Variants in FER observed in about 807,000 individuals in gnomAD.
FER encodes FER tyrosine kinase, also known as tyrosine-protein kinase Fer.
In FER, 63 loss-of-function variants were observed where a neutral mutation model predicts 111.0. That is an observed-to-expected ratio of 0.57 (90% CI 0.46 to 0.70). FER has a LOEUF of 0.70. Ranked by LOEUF, FER falls within the 30% of genes least tolerant of loss-of-function variation. The pLI, the probability that FER is intolerant of heterozygous loss-of-function variation, is 0.00. For missense variants in FER, 914 were observed against 954.0 expected (o/e 0.96, Z 0.55); for synonymous variants, 327 against 313.9 (o/e 1.04, Z -0.44).
chr5:109,092,159 A>C (rs920299004), intron 16 of FER, among the ~76,000 whole-genome samples: 1 of 151,932 alleles, frequency 6.6e-6, no homozygotes, highest in Non-Finnish European at 1.5e-5. Flanking sequence ...TGAAAGTATA[A>C]AACTGCTAGA....
intron 2 of FER, among the ~76,000 whole-genome samples, chr5:108,771,889 T>C (rs191329104): frequency 3.7e-4 from 57 of 152,314 alleles, no homozygotes; most frequent in African/African-American, 1.3e-3. Flanking sequence ...ACATTAAGAA[T>C]GTATTTGTCT....
intron 17 of FER, among the ~76,000 whole-genome samples, chr5:109,143,904 C>G (rs1465608633): frequency 6.6e-6 from 1 of 150,876 alleles, no homozygotes; most frequent in Non-Finnish European, 1.5e-5. Flanking sequence ...GGGGTCAGCA[C>G]CTTTCTAGTG....
chr5:108,944,088 C>T (rs1238588943), intron 10 of FER, among the ~76,000 whole-genome samples: 1 of 150,396 alleles, frequency 6.6e-6, no homozygotes, highest in Non-Finnish European at 1.5e-5. Context: ...GAACCAGTCT[C>T]TTAGTTTTAT....
rs143259473 is a variant in FER at position 108,922,197 on chromosome 5, G to A, written c.1237-23933G>A. Among the ~76,000 whole-genome samples the A allele has an allele frequency of 4.3e-4, 65 of 152,296 alleles. 1 individual carries two copies. Among genetic ancestry groups the A allele is most frequent in the African/African-American group, 1.4e-3 (60 of 41,562 alleles). On this transcript the variant is annotated intron_variant, in intron 10 of 19. Transcript: ENST00000281092. ...GGAGCATGGCCTTGGCTAACACCTT[G>A]ATTTCAGACTTCTGGCCTCCAGAAC...
At chr5:109,133,029 A>G (rs748851454) in intron 17 of FER, among the ~76,000 whole-genome samples, 1 of 152,196 alleles carries the variant, frequency 6.6e-6, no homozygotes, top group Non-Finnish European at 1.5e-5. Flanking sequence ...CCTAACATGT[A>G]TAAGTCATTG....
At chr5:108,874,603 A>G (rs6889995) in intron 8 of FER, among the ~76,000 whole-genome samples, 34,185 of 151,746 alleles carry the variant, frequency 0.23, 4,049 homozygotes, top group African/African-American at 0.28. Context: ...TAAGACTTAG[A>G]AAAATCTTTC....
chr5:109,023,601 C>T (rs915520959), intron 13 of FER, among the ~76,000 whole-genome samples: 3 of 151,874 alleles, frequency 2.0e-5, no homozygotes, highest in Non-Finnish European at 4.4e-5. Context: ...CTAAATGGTT[C>T]CCTTATGTCC....
intron 16 of FER, among the ~76,000 whole-genome samples, chr5:109,056,724 G>A (rs968553972): frequency 6.6e-6 from 1 of 152,048 alleles, no homozygotes; most frequent in African/African-American, 2.4e-5. Flanking sequence ...AGCTGTTCTT[G>A]TCACACAAAA....
chr5:108,955,074 A>G, intron 12 of FER, 142 bp downstream of exon 12: 1 of 559,820 alleles, frequency 1.8e-6, no homozygotes, highest in Non-Finnish European at 3.0e-6. Context: ...TCTTAAATAC[A>G]GTGCTTCAAA....
intron 17 of FER, among the ~76,000 whole-genome samples, chr5:109,122,029 AC>A (rs1352348190): frequency 6.6e-6 from 1 of 151,894 alleles, no homozygotes; most frequent in African/African-American, 2.4e-5. Context: ...TTTAAAAAAA[AC>A]AACTTTTGTT....
intron 17 of FER, among the ~76,000 whole-genome samples, chr5:109,130,604 G>A (rs893291145): frequency 6.6e-6 from 1 of 152,018 alleles, no homozygotes; most frequent in Non-Finnish European, 1.5e-5. Context: ...CATGCAATTA[G>A]TGTGAAATTT....
intron 9 of FER, 146 bp from the exon 10 acceptor site, chr5:108,897,513 C>T: frequency 1.7e-6 from 1 of 575,142 alleles, no homozygotes; most frequent in Non-Finnish European, 2.8e-6. Context: ...ACTGTGATAA[C>T]TTAAAATCTG....
intron 14 of FER, among the ~76,000 whole-genome samples, chr5:109,037,680 T>G (rs188664666): frequency 2.2e-3 from 331 of 152,168 alleles, no homozygotes; most frequent in African/African-American, 7.5e-3. Flanking sequence ...TAAGGATGAT[T>G]CTTAACATTT....
Position 108,871,525 on chromosome 5 carries a change from T to C in FER, c.803+23T>C, listed in dbSNP as rs1380063452. 3.2e-6 allele frequency: 5 copies of C among 1,554,768 alleles called. No homozygotes were observed. In the South Asian group the frequency reaches 6.2e-5, roughly 19 times the overall value. ...CAGGTATGACATGTTTATTCCTCTT[T>C]AAGGATTTATGACAGTATTATTTTT... On this transcript the variant is annotated intron_variant, in intron 7 of 19. Transcript: ENST00000281092.
intron 13 of FER, among the ~76,000 whole-genome samples, chr5:108,991,416 C>G (rs1370178450): frequency 6.6e-6 from 1 of 151,906 alleles, no homozygotes; most frequent in Non-Finnish European, 1.5e-5. Context: ...ATTTTTAACA[C>G]TCAAATTACT....
intron 17 of FER, among the ~76,000 whole-genome samples, chr5:109,137,635 A>G (rs1753039961): frequency 6.6e-6 from 1 of 152,190 alleles, no homozygotes; most frequent in African/African-American, 2.4e-5. Context: ...CCAGAAAGAG[A>G]AAGAACTCAT....
intron 2 of FER, among the ~76,000 whole-genome samples, chr5:108,787,035 G>C (rs1489131630): frequency 6.6e-6 from 1 of 152,142 alleles, no homozygotes; most frequent in Non-Finnish European, 1.5e-5. Context: ...GAGCCAGCAG[G>C]GGCTGGGAAC....
chr5:108,855,553 G>A (rs1762921069), intron 5 of FER, among the ~76,000 whole-genome samples: 2 of 146,742 alleles, frequency 1.4e-5, no homozygotes, highest in Non-Finnish European at 3.0e-5. Context: ...CCCGGGAGGC[G>A]GAACTTGCAG....
In FER at chr5:109,049,381, A is replaced by G. The variant is rs575280778; in HGVS notation, c.1924+2183A>G. On this transcript the variant is annotated intron_variant, in intron 16 of 19. Coordinates refer to ENST00000281092, the MANE Select transcript of FER (RefSeq NM_005246.4). The stretch of plus-strand genomic sequence containing the variant: ...TGGCAGAATCATGTCCCTTGCAGCT[A>G]TATGTCTAAAGTTCCTGTTTCTTTG... Among the ~76,000 whole-genome samples the G allele has an allele frequency of 3.9e-5, 6 of 152,274 alleles. No homozygotes were observed. The East Asian group carries it at 1.2e-3, about 29-fold the overall frequency.
Sources: allele counts gnomAD v4.1 joint callset (sites outside exome capture counted in the v4.1 genomes callset), GRCh38; gene constraint gnomAD v4.1.1; transcripts MANE v1.5; gene names NCBI Gene and HGNC (gene_info 2026-07-23, HGNC 2026-07-21).